The following EGF variants were observed in gnomAD, a reference collection of about 807,000 sequenced individuals.
The protein encoded by EGF is epidermal growth factor, also known as pro-epidermal growth factor.
EGF carries 95 observed loss-of-function variants against 143.8 expected under a neutral mutation model. That is an observed-to-expected ratio of 0.66 (90% CI 0.56 to 0.78). The LOEUF is 0.78. Among genes scored for constraint, EGF ranks in the 30% least tolerant of loss-of-function variants. The probability of loss-of-function intolerance (pLI) is 0.00; values close to 1 mark genes in which losing one functional copy is unlikely to be tolerated. For synonymous variants in EGF, 510 were observed against 510.5 expected (o/e 1.00, Z 0.01); for missense variants, 1,320 against 1,470.9 (o/e 0.90, Z 1.68).
At chr4:109,995,111 T>G (rs1218545505) in intron 20 of EGF, among the ~76,000 whole-genome samples, 1 of 152,200 alleles carries the variant, frequency 6.6e-6, no homozygotes, top group African/African-American at 2.4e-5. Context: ...GAGTTGGTGA[T>G]TTCCCCTTTT....
chr4:109,959,088 A>G lies in EGF; in HGVS notation c.941-224A>G, dbSNP rs1285190807. On this transcript the variant is annotated intron_variant, in intron 5 of 23. Coordinates refer to ENST00000265171, the MANE Select transcript of EGF (RefSeq NM_001963.6). ...ACCTAAGAAATGACATCTCCAGCTA[A>G]TCAGGATGCCCAATCCTGAGAGGTT... is the stretch of plus-strand genomic sequence containing the variant. 3 of 569,304 alleles carry G rather than the reference A, an allele frequency of 5.3e-6. No homozygotes were observed. In the African/African-American group the frequency reaches 5.6e-5, roughly 11 times the overall value. The allele number at this position is 569,304 out of a possible 1,614,324, so 35.3% of individuals were successfully genotyped here.
rs1030975738 is a variant in EGF, at chr4:110,000,252, A to G, written c.3173+406A>G. Among the ~76,000 whole-genome samples, 38 of 73,764 alleles carry G rather than the reference A, an allele frequency of 5.2e-4. No individual in the cohort carries two copies. The South Asian group carries it at 9.3e-3, about 18-fold the overall frequency. The allele number at this position is 73,764 out of a possible 152,430, so 48.4% of individuals were successfully genotyped here. The stretch of plus-strand genomic sequence containing the variant: ...GGCGATAGAGCGAGACTCCGTGTCA[A>G]AAAAAAAAAAAAAAAAAAGGTGAAA... On this transcript the variant is annotated intron_variant, in intron 21 of 23. Coordinates refer to ENST00000265171, the MANE Select transcript of EGF (RefSeq NM_001963.6).
chr4:109,944,995 A>AT, intron 4 of EGF, 78 bp from the exon 5 acceptor site: 1 of 1,466,768 alleles, frequency 6.8e-7, no homozygotes, highest in Non-Finnish European at 9.4e-7. Flanking sequence ...TAGACAATAA[A>AT]TTGAAATGAA....
chr4:109,918,541 G>A (rs914917934), intron 1 of EGF, among the ~76,000 whole-genome samples: 2 of 152,098 alleles, frequency 1.3e-5, no homozygotes, highest in African/African-American at 4.8e-5. Flanking sequence ...AGATGCTGGA[G>A]GTGGGGGCTG....
In EGF at chr4:109,987,825, T is replaced by A; in HGVS notation, c.2573T>A (p.Leu858Ter). 1.2e-6 allele frequency: 2 copies of A among 1,613,928 alleles called. No individual in the cohort carries two copies. The highest frequency in any genetic ancestry group is 1.7e-6 in the Non-Finnish European group (2 of 1,179,840). ...SEGEDATCQCLKGFAGDGKLC... is the reference protein window; with the variant it reads ...SEGEDATCQC The stretch of plus-strand genomic sequence containing the variant: ...GGAGAGGATGCCACATGTCAGTGTT[T>A]GAAAGGATTTGCTGGGGATGGAAAA... The change falls in exon 17 of 24, where the codon TTG becomes TAG. Residue 858 changes from leucine to a stop codon, truncating the protein, a stop_gained. Coordinates refer to ENST00000265171, the MANE Select transcript of EGF (RefSeq NM_001963.6). LOFTEE classifies it high-confidence loss of function.
In EGF at chr4:110,004,640, G is replaced by T; in HGVS notation, c.3291+18G>T. 1.2e-6 allele frequency: 2 copies of T among 1,609,098 alleles called. No homozygotes were observed. The highest frequency in any genetic ancestry group is 2.2e-5 in the South Asian group (2 of 90,988). On this transcript the variant is annotated intron_variant, in intron 22 of 23. Transcript: ENST00000265171. ...AACCTTGGGTAATGTGACCAAAGCA[G>T]ATGAAGCAAGGAATTGGCTTGATAT...
intron 9 of EGF, among the ~76,000 whole-genome samples, 170 bp downstream of exon 9, chr4:109,963,468 C>T (rs905991842): frequency 6.6e-6 from 1 of 152,134 alleles, no homozygotes; most frequent in Non-Finnish European, 1.5e-5. Context: ...TAACTAGTAA[C>T]CAGGCTTTTA....
At chr4:109,916,896 G>C (rs1736756134) in intron 1 of EGF, among the ~76,000 whole-genome samples, 1 of 151,994 alleles carries the variant, frequency 6.6e-6, no homozygotes, top group African/African-American at 2.4e-5. Flanking sequence ...AAAAATTATA[G>C]TCAAAATAAT....
intron 6 of EGF, 133 bp downstream of exon 6, chr4:109,959,570 C>G (rs1745362303): frequency 2.2e-6 from 3 of 1,363,928 alleles, no homozygotes; most frequent in African/African-American, 1.4e-5. Context: ...AGTCCATTCT[C>G]CCCGTCCCCC....
chr4:109,931,784 T>G (rs1739746489), intron 1 of EGF, among the ~76,000 whole-genome samples: 1 of 152,232 alleles, frequency 6.6e-6, no homozygotes, highest in South Asian at 2.1e-4. Flanking sequence ...GGTGATTATT[T>G]TAAACAAACA....
intron 1 of EGF, among the ~76,000 whole-genome samples, chr4:109,927,931 G>A (rs1579474028): frequency 6.6e-6 from 1 of 151,878 alleles, no homozygotes; most frequent in East Asian, 1.9e-4. Flanking sequence ...AAATAAAATT[G>A]AGCATAATTT....
At chr4:109,950,861 G>A (rs934066255) in intron 5 of EGF, among the ~76,000 whole-genome samples, 4 of 152,174 alleles carry the variant, frequency 2.6e-5, no homozygotes, top group African/African-American at 9.7e-5. Flanking sequence ...GGTATTCTCA[G>A]GGAATGTGTT....
chr4:109,963,368 T>C, intron 9 of EGF, 70 bp downstream of exon 9: 2 of 1,605,528 alleles, frequency 1.2e-6, no homozygotes, highest in Non-Finnish European at 1.7e-6. Context: ...TTTAGAAAGA[T>C]GGAAAGTTAA....
chr4:109,963,242 G>C lies in EGF; in HGVS notation c.1382G>C (p.Cys461Ser). The C allele has an allele frequency of 6.2e-7, 1 of 1,614,050 alleles. No homozygotes were observed. The highest frequency in any genetic ancestry group is 8.5e-7 in the Non-Finnish European group (1 of 1,179,952). ...CCTCTTAGCCCAGTATCCTGGGAAT[G>C]TGATTGCTTTCCTGGGTATGACCTA... is the stretch of plus-strand genomic sequence containing the variant. Reference protein sequence around the residue: ...CVPLSPVSWECDCFPGYDLQL... With the variant: ...CVPLSPVSWESDCFPGYDLQL... The change falls in exon 9 of 24, where the codon TGT (cysteine) becomes TCT (serine). Residue 461 changes from cysteine to serine, a missense_variant. Cys to Ser is a moderately radical substitution (Grantham distance 112). Coordinates refer to ENST00000265171, the MANE Select transcript of EGF (RefSeq NM_001963.6).
In EGF at chr4:109,987,875, C is replaced by A; in HGVS notation, c.2608+15C>A. 1 of 1,580,460 alleles carries A rather than the reference C, an allele frequency of 6.3e-7. No individual in the cohort carries two copies. Among genetic ancestry groups the A allele is most frequent in the African/African-American group, 1.3e-5 (1 of 74,232 alleles). ...ACTATGTTCTGGTAAGAGAAAAGGGCAAATTCACATATTTGGACAATACTG... is the reference window on the plus strand; with the variant it reads ...ACTATGTTCTGGTAAGAGAAAAGGGAAAATTCACATATTTGGACAATACTG... On this transcript the variant is annotated intron_variant, in intron 17 of 23. Transcript: ENST00000265171.
At chr4:109,956,497 C>T (rs1432133351) in intron 5 of EGF, among the ~76,000 whole-genome samples, 3 of 152,146 alleles carry the variant, frequency 2.0e-5, no homozygotes, top group Non-Finnish European at 4.4e-5. Context: ...AAACACAATA[C>T]TGCTTTTTAA....
chr4:109,960,042 G>C (rs1480058628), intron 6 of EGF, among the ~76,000 whole-genome samples: 1 of 152,194 alleles, frequency 6.6e-6, no homozygotes, highest in Non-Finnish European at 1.5e-5. Context: ...TGAGACCTCA[G>C]GTAAATCTAG....
intron 21 of EGF, chr4:110,004,162 A>G: frequency 2.7e-6 from 1 of 372,930 alleles, no homozygotes; most frequent in South Asian, 2.2e-5. Context: ...CTCAATAGAT[A>G]CCTGTGAATG....
At chr4:109,993,609 A>C (rs965864755) in intron 19 of EGF, among the ~76,000 whole-genome samples, 1 of 152,146 alleles carries the variant, frequency 6.6e-6, no homozygotes, top group Non-Finnish European at 1.5e-5. Flanking sequence ...AGATGGGAAC[A>C]TGGGTATCTC....
Sources: allele counts gnomAD v4.1 joint callset (sites outside exome capture counted in the v4.1 genomes callset), GRCh38; gene constraint gnomAD v4.1.1; transcripts MANE v1.5; gene names NCBI Gene and HGNC (gene_info 2026-07-23, HGNC 2026-07-21).